Variants in SRFBP1 observed in about 807,000 individuals in gnomAD.
The protein encoded by SRFBP1 is serum response factor-binding protein 1.
Under a neutral mutation model 45.5 loss-of-function variants are expected in SRFBP1, and 47 were observed. The ratio of observed to expected loss-of-function variants is 1.03; its 90% CI spans 0.82 to 1.32. The LOEUF (loss-of-function observed/expected upper bound fraction) is 1.32, where lower values mean the gene tolerates loss of function less well. Ranked by LOEUF, SRFBP1 falls within the 40% of genes most tolerant of loss-of-function variation. SRFBP1 has a pLI of 0.00. For missense variants in SRFBP1, 621 were observed against 484.6 expected, an observed-to-expected ratio of 1.28 and a Z score of -2.64; for synonymous variants, 203 against 166.3, an observed-to-expected ratio of 1.22 and a Z score of -1.70.
At chr5:122,061,974 CAG>C (rs552769764) in intron 2 of SRFBP1, among the ~76,000 whole-genome samples, 487 of 151,838 alleles carry the variant, frequency 3.2e-3, no homozygotes, top group African/African-American at 0.011. Flanking sequence ...TGGTATATCC[CAG>C]AGTTTTCCAA....
intron 3 of SRFBP1, among the ~76,000 whole-genome samples, chr5:121,985,639 A>G (rs1436877851): frequency 6.6e-6 from 1 of 151,924 alleles, no homozygotes; most frequent in Non-Finnish European, 1.5e-5. Context: ...TAACTGAGAT[A>G]TTTAGTGTAA....
At chr5:122,066,433 C>A in intron 2 of SRFBP1, 1 of 304,284 alleles carries the variant, frequency 3.3e-6, no homozygotes, top group African/African-American at 2.1e-5. Context: ...TTTTGCACTA[C>A]AATTTCAAAA....
chr5:122,022,450 A>G (rs779754727), intron 7 of SRFBP1, 43 bp downstream of exon 7: 9 of 1,542,090 alleles, frequency 5.8e-6, no homozygotes, highest in Admixed American at 5.6e-5. Flanking sequence ...CAATTAAGCT[A>G]TGTTTTACCA....
At chr5:122,018,052 A>G (rs1053314391) in intron 4 of SRFBP1, among the ~76,000 whole-genome samples, 1 of 152,196 alleles carries the variant, frequency 6.6e-6, no homozygotes. Context: ...GTGTTGTGCT[A>G]GTTGAGATGA....
intron 2 of SRFBP1, among the ~76,000 whole-genome samples, chr5:122,068,430 C>T (rs535865749): frequency 1.3e-5 from 2 of 152,222 alleles, no homozygotes; most frequent in Non-Finnish European, 2.9e-5. Flanking sequence ...TCCTTCTGAT[C>T]TCACCACATT....
chr5:121,962,774 T>C, intron 1 of SRFBP1, among the ~76,000 whole-genome samples: 1 of 152,178 alleles, frequency 6.6e-6, no homozygotes. Flanking sequence ...AATAATGTCA[T>C]CCAAAGTCTT....
chr5:122,037,123 C>T (rs1278315783), intron 2 of SRFBP1, among the ~76,000 whole-genome samples: 3 of 152,118 alleles, frequency 2.0e-5, no homozygotes, highest in Non-Finnish European at 4.4e-5. Flanking sequence ...GTCTCCAACT[C>T]CCGACCTCAG....
intron 2 of SRFBP1, chr5:122,070,009 A>G: frequency 1.4e-6 from 2 of 1,393,606 alleles, no homozygotes; most frequent in Non-Finnish European, 2.0e-6. Context: ...ATGAACAAAA[A>G]TTATTTGTGA....
intron 1 of SRFBP1, among the ~76,000 whole-genome samples, chr5:121,969,569 T>A (rs1206742903): frequency 3.9e-5 from 6 of 152,104 alleles, no homozygotes; most frequent in African/African-American, 1.4e-4. Context: ...TTATACTGTC[T>A]ATGCAAGAGA....
chr5:122,041,723 T>G (rs1351215290), intron 2 of SRFBP1, among the ~76,000 whole-genome samples: 1 of 152,178 alleles, frequency 6.6e-6, no homozygotes, highest in African/African-American at 2.4e-5. Context: ...GTTTCTCTTG[T>G]ATTTTTCCAG....
chr5:121,982,931 G>T (rs1480981276), intron 3 of SRFBP1, among the ~76,000 whole-genome samples: 1 of 151,656 alleles, frequency 6.6e-6, no homozygotes, highest in Non-Finnish European at 1.5e-5. Context: ...CCTAATAACT[G>T]TGAAAGTATC....
Position 121,965,010 on chromosome 5 carries a change from C to A in SRFBP1, c.36+2942C>A, listed in dbSNP as rs370927843. Among the ~76,000 whole-genome samples, 3 of 152,308 alleles carry A rather than the reference C, an allele frequency of 2.0e-5. No individual in the cohort carries two copies. The East Asian group carries it at 5.8e-4, about 29-fold the overall frequency. ...TGACTTCTTTTGAGAAGTGTCTGTT[C>A]ATGTCCTTCGCCCACTTTTTGATGG... On this transcript the variant is annotated intron_variant, in intron 1 of 7. Coordinates refer to ENST00000339397, the MANE Select transcript of SRFBP1 (RefSeq NM_152546.3).
chr5:121,964,671 T>G (rs1752025938), intron 1 of SRFBP1, among the ~76,000 whole-genome samples: 1 of 152,198 alleles, frequency 6.6e-6, no homozygotes, highest in African/African-American at 2.4e-5. Context: ...CATGTGCCTT[T>G]GTAGTAGAAT....
chr5:122,004,399 T>C (rs922945283), intron 4 of SRFBP1, among the ~76,000 whole-genome samples: 1 of 152,182 alleles, frequency 6.6e-6, no homozygotes, highest in African/African-American at 2.4e-5. Context: ...CCTTATTGTA[T>C]GTTCTTGGCA....
chr5:122,071,533 G>A (rs1754453663), intron 2 of SRFBP1, among the ~76,000 whole-genome samples: 1 of 152,176 alleles, frequency 6.6e-6, no homozygotes. Flanking sequence ...GCCTTCTACA[G>A]GCTGGGAGGA....
In SRFBP1 at chr5:122,011,318, A is replaced by C; in HGVS notation, c.271-7942A>C. Among the ~76,000 whole-genome samples, 3 of 152,192 alleles carry C rather than the reference A, an allele frequency of 2.0e-5. No homozygotes were observed. In the East Asian group the frequency reaches 5.8e-4, roughly 29 times the overall value. On this transcript the variant is annotated intron_variant, in intron 4 of 7. Transcript: ENST00000339397. ...TAAGGTGTTTTCCCTTTTTTATTTA[A>C]TTTATTTGAAATGGAAGAAACTGGA...
chr5:122,012,037 T>A (rs1753104433), intron 4 of SRFBP1, among the ~76,000 whole-genome samples: 1 of 152,164 alleles, frequency 6.6e-6, no homozygotes, highest in Non-Finnish European at 1.5e-5. Context: ...AATGTGAAAG[T>A]TATCTCAGAG....
chr5:121,995,124 G>A (rs1752695406), intron 4 of SRFBP1, among the ~76,000 whole-genome samples: 1 of 151,302 alleles, frequency 6.6e-6, no homozygotes, highest in Admixed American at 6.6e-5. Flanking sequence ...AAGTCAACAA[G>A]GATACCCAGG....
intron 6 of SRFBP1, among the ~76,000 whole-genome samples, chr5:122,021,334 A>G (rs909593945): frequency 2.0e-5 from 3 of 152,184 alleles, no homozygotes; most frequent in Non-Finnish European, 2.9e-5. Context: ...CTGTTCTGTT[A>G]TAAAACAGTA....
Sources: gnomAD v4.1 joint callset for allele counts (sites outside exome capture counted in the v4.1 genomes callset) on GRCh38, gnomAD v4.1.1 for gene constraint, MANE v1.5 for transcripts, NCBI Gene and HGNC (gene_info 2026-07-23, HGNC 2026-07-21) for gene names.